UVRAG: variants seen among roughly 807,000 people sequenced by gnomAD.
The protein encoded by UVRAG is UV radiation resistance associated.
In UVRAG, 19 loss-of-function variants were observed where a neutral mutation model predicts 78.0. That is an observed-to-expected ratio of 0.24 (90% CI 0.17 to 0.36). The LOEUF is 0.36. UVRAG is among the 10% of genes least tolerant of loss of function. The pLI, the probability that UVRAG is intolerant of heterozygous loss-of-function variation, is 1.00. For synonymous variants in UVRAG, 323 were observed against 324.6 expected, an observed-to-expected ratio of 1.00 and a Z score of 0.05; for missense variants, 740 against 853.8, an observed-to-expected ratio of 0.87 and a Z score of 1.66.
intron 1 of UVRAG, among the ~76,000 whole-genome samples, chr11:75,830,243 G>A (rs1945623713): frequency 6.6e-6 from 1 of 151,834 alleles, no homozygotes; most frequent in Non-Finnish European, 1.5e-5. Context: ...GAATATCTTT[G>A]AATATGGTTT....
Position 75,883,073 on chromosome 11 carries a change from A to G in UVRAG, c.432+3033A>G, listed in dbSNP as rs116663854. Reference sequence around the variant, plus strand: ...TATCCCATCTATCTTCCCACATACCATACTTGGCTCTCTTTGGATAGACTC... The same window carrying G: ...TATCCCATCTATCTTCCCACATACCGTACTTGGCTCTCTTTGGATAGACTC... On this transcript the variant is annotated intron_variant, in intron 4 of 14. Coordinates refer to ENST00000356136, the MANE Select transcript of UVRAG (RefSeq NM_003369.4). Among the ~76,000 whole-genome samples, 1,502 of 152,236 alleles carry G rather than the reference A, an allele frequency of 9.9e-3. 25 individuals carry two copies. The highest frequency in any genetic ancestry group is 0.035 in the African/African-American group (1,447 of 41,514).
chr11:75,910,485 C>G (rs1430633984), intron 5 of UVRAG, among the ~76,000 whole-genome samples: 2 of 150,860 alleles, frequency 1.3e-5, no homozygotes. Flanking sequence ...TGTGTACTCT[C>G]CCCACCCCCC....
intron 6 of UVRAG, among the ~76,000 whole-genome samples, chr11:75,922,373 T>C (rs1416046458): frequency 2.0e-5 from 3 of 152,166 alleles, no homozygotes; most frequent in Non-Finnish European, 1.5e-5. Context: ...GCTATACTTC[T>C]AGGAAAATCT....
At chr11:76,035,245 A>T (rs1361078592) in intron 12 of UVRAG, among the ~76,000 whole-genome samples, 2 of 152,160 alleles carry the variant, frequency 1.3e-5, no homozygotes, top group East Asian at 3.9e-4. Flanking sequence ...TGTGTGAGAG[A>T]TATAAGAATT....
intron 13 of UVRAG, among the ~76,000 whole-genome samples, chr11:76,086,923 A>G (rs956558171): frequency 6.6e-6 from 1 of 152,250 alleles, no homozygotes; most frequent in Non-Finnish European, 1.5e-5. Flanking sequence ...TGCTGTTTAT[A>G]GCAAGAAATA....
chr11:76,003,959 T>C, intron 8 of UVRAG, 46 bp from the exon 9 acceptor site: 1 of 1,548,750 alleles, frequency 6.5e-7, no homozygotes, highest in Non-Finnish European at 8.9e-7. Context: ...TGTGATTGAG[T>C]AATCCTATGT....
intron 7 of UVRAG, among the ~76,000 whole-genome samples, chr11:75,969,700 A>C (rs146755659): frequency 1.9e-3 from 295 of 152,322 alleles, no homozygotes; most frequent in African/African-American, 6.7e-3. Flanking sequence ...ACAGATGATC[A>C]TACCATCTGT....
intron 7 of UVRAG, among the ~76,000 whole-genome samples, chr11:75,962,916 A>G (rs183461948): frequency 7.2e-5 from 11 of 152,336 alleles, no homozygotes; most frequent in Admixed American, 5.9e-4. Flanking sequence ...AAGTGGTGAC[A>G]TACAGAGCAA....
At chr11:75,831,643 A>G (rs1040500976) in intron 1 of UVRAG, among the ~76,000 whole-genome samples, 4 of 152,174 alleles carry the variant, frequency 2.6e-5, no homozygotes, top group African/African-American at 9.7e-5. Flanking sequence ...CTTGAGCAAA[A>G]TGGTAAGAAG....
intron 6 of UVRAG, among the ~76,000 whole-genome samples, chr11:75,935,469 CTCTT>C (rs1188934630): frequency 1.3e-5 from 2 of 152,046 alleles, no homozygotes; most frequent in Middle Eastern, 6.8e-3. Context: ...CAATCTGTCT[CTCTT>C]TCTCTCTCTC....
intron 8 of UVRAG, among the ~76,000 whole-genome samples, chr11:75,996,120 A>G (rs1949702149): frequency 6.6e-6 from 1 of 152,074 alleles, no homozygotes; most frequent in African/African-American, 2.4e-5. Flanking sequence ...AAACTGTCAT[A>G]TTTTAATCTC....
intron 12 of UVRAG, among the ~76,000 whole-genome samples, chr11:76,049,742 C>G (rs1019852819): frequency 1.3e-5 from 2 of 152,182 alleles, no homozygotes; most frequent in African/African-American, 4.8e-5. Context: ...TGGGATACAG[C>G]ATCAGTAAGG....
chr11:76,011,343 G>A (rs1194800246), intron 11 of UVRAG, among the ~76,000 whole-genome samples: 1 of 152,182 alleles, frequency 6.6e-6, no homozygotes, highest in African/African-American at 2.4e-5. Flanking sequence ...TCTTACATTG[G>A]CCGGGTGCGG....
intron 12 of UVRAG, among the ~76,000 whole-genome samples, chr11:76,064,904 G>T (rs1951159473): frequency 6.6e-6 from 1 of 152,112 alleles, no homozygotes; most frequent in African/African-American, 2.4e-5. Context: ...AGTAATAATT[G>T]ATCTGTTTGT....
chr11:75,879,358 T>C (rs1355799393), intron 3 of UVRAG, among the ~76,000 whole-genome samples: 2 of 152,208 alleles, frequency 1.3e-5, no homozygotes, highest in Non-Finnish European at 1.5e-5. Flanking sequence ...AAATTACTTA[T>C]TTTAATCTGG....
chr11:75,981,913 GT>G (rs113593826), intron 7 of UVRAG, among the ~76,000 whole-genome samples: 12 of 147,734 alleles, frequency 8.1e-5, no homozygotes, highest in South Asian at 2.1e-4. Flanking sequence ...AGACTTTCTA[GT>G]TTTTTTTTTC....
At position 75,978,064 on chromosome 11, in the gene UVRAG, G is replaced by A. The variant is rs557575342; in HGVS notation, c.700-5323G>A. 2.0e-5 allele frequency among the ~76,000 whole-genome samples: 3 copies of A among 152,218 alleles called. No individual in the cohort carries two copies. In the South Asian group the frequency reaches 6.2e-4, roughly 32 times the overall value. ...CAGGAGCTCTTGTAGGGCAGGCCTG[G>A]TGGTGACAAAATCTCTCAGCATTTG... is the stretch of plus-strand genomic sequence containing the variant. On this transcript the variant is annotated intron_variant, in intron 7 of 14. Coordinates refer to ENST00000356136, the MANE Select transcript of UVRAG (RefSeq NM_003369.4).
chr11:76,040,980 C>T (rs1950638519), intron 12 of UVRAG, among the ~76,000 whole-genome samples: 1 of 151,916 alleles, frequency 6.6e-6, no homozygotes, highest in Non-Finnish European at 1.5e-5. Flanking sequence ...TTACTGCAAC[C>T]CTAGAAAGAC....
chr11:75,938,778 T>A (rs1374786683), intron 6 of UVRAG, among the ~76,000 whole-genome samples: 1 of 152,232 alleles, frequency 6.6e-6, no homozygotes, highest in Non-Finnish European at 1.5e-5. Context: ...TGATCAGTAC[T>A]CAGCTGAATA....
Sources: gnomAD v4.1 joint callset for allele counts (sites outside exome capture counted in the v4.1 genomes callset) on GRCh38, gnomAD v4.1.1 for gene constraint, MANE v1.5 for transcripts, NCBI Gene and HGNC (gene_info 2026-07-23, HGNC 2026-07-21) for gene names.